Variants in RHOBTB2 observed in about 807,000 individuals in gnomAD.
RHOBTB2 encodes Rho related BTB domain containing 2, also known as rho-related BTB domain-containing protein 2.
A neutral mutation model predicts 66.5 loss-of-function variants in RHOBTB2; 39 were observed. That is an observed-to-expected ratio of 0.59 (90% confidence interval 0.45 to 0.77). RHOBTB2 has a LOEUF of 0.77. Ranked by LOEUF, RHOBTB2 falls within the 30% of genes least tolerant of loss-of-function variation. The pLI is 0.00. For missense variants in RHOBTB2, 755 were observed against 999.1 expected (o/e 0.76, Z 3.29); for synonymous variants, 390 against 395.0 (o/e 0.99, Z 0.15).
chr8:23,017,187 G>C lies in RHOBTB2; in HGVS notation c.1967-65G>C. The C allele has an allele frequency of 6.3e-7, 1 of 1,592,004 alleles. No homozygotes were observed. Among genetic ancestry groups the C allele is most frequent in the Non-Finnish European group, 8.6e-7 (1 of 1,167,846 alleles). On this transcript the variant is annotated intron_variant, in intron 9 of 9. Coordinates refer to ENST00000251822, the MANE Select transcript of RHOBTB2 (RefSeq NM_015178.3). The surrounding 1 kb of genome is among the most constrained non-coding windows in gnomAD (Gnocchi z 5.3). ...GCAGGCCTTGTGGTGGGGTAGGGCTGGTGTCCCACGTTCCTCTTGTCCCTC... is the reference window on the plus strand; with the variant it reads ...GCAGGCCTTGTGGTGGGGTAGGGCTCGTGTCCCACGTTCCTCTTGTCCCTC...
At chr8:23,015,771 ACCTG>A in intron 9 of RHOBTB2, 28 bp downstream of exon 9, 2 of 1,488,902 alleles carry the variant, frequency 1.3e-6, no homozygotes, top group Non-Finnish European at 1.9e-6. Context: ...TCCTGGCAGT[ACCTG>A]CTGCCCTCCC....
rs1811027421 is a variant in RHOBTB2, at chr8:23,008,024, C to T, written c.1533C>T (p.Ile511=). Residue 511 remains isoleucine (I), a synonymous_variant, in exon 6 of 10, where the codon ATC becomes ATT. Transcript: ENST00000251822. ...CCTTCATCCTGGATGATGGCACCAT[C>T]AGCGCCCACAAGCCCCTGTTGATTT... ...DVTFILDDGT[I]SAHKPLLISS... 6.2e-7 allele frequency: 1 copy of T among 1,613,754 alleles called. No homozygotes were observed. Among genetic ancestry groups the T allele is most frequent in the African/African-American group, 1.3e-5 (1 of 74,892 alleles).
At chr8:23,010,945 T>A (rs1040840936) in intron 7 of RHOBTB2, among the ~76,000 whole-genome samples, 1 of 152,136 alleles carries the variant, frequency 6.6e-6, no homozygotes, top group African/African-American at 2.4e-5. Flanking sequence ...AAATGGAACA[T>A]GAGGCTGGGC....
At chr8:22,979,614 T>C in the RHOBTB2 span, among the ~76,000 whole-genome samples, 1 of 152,134 alleles carries the variant, frequency 6.6e-6, no homozygotes, top group African/African-American at 2.4e-5. Flanking sequence ...TGACGTCCTA[T>C]ACATAAACCT....
rs774915281 is a variant in RHOBTB2, at chr8:23,017,593, G to A, written c.*124G>A. 16 of 1,435,924 alleles carry A rather than the reference G, an allele frequency of 1.1e-5. No individual in the cohort carries two copies. The highest frequency in any genetic ancestry group is 4.4e-5 in the Admixed American group (2 of 45,036). 88.9% of individuals were successfully genotyped at this position (1,435,924 alleles called of 1,614,324 possible). A position where few individuals can be genotyped will look rare whatever the true frequency, so the allele number is the denominator to read the frequency against. ...GGCCCACGTAACCAGGACCCAGAGG[G>A]TGGAGCTCTTCTTACCAGCCACCGT... On this transcript the variant is annotated 3_prime_UTR_variant, in exon 10 of 10. Transcript: ENST00000251822. The surrounding 1 kb of genome is among the most constrained non-coding windows in gnomAD (Gnocchi z 5.3).
chr8:22,989,776 AT>A (rs942758891), intron 1 of RHOBTB2, among the ~76,000 whole-genome samples: 1 of 152,164 alleles, frequency 6.6e-6, no homozygotes, highest in Non-Finnish European at 1.5e-5. Flanking sequence ...AAAGAGGGTG[AT>A]TTTGACATAC....
chr8:22,976,396 G>C, the RHOBTB2 span, among the ~76,000 whole-genome samples: 40 of 152,076 alleles, frequency 2.6e-4, no homozygotes, highest in Admixed American at 2.6e-3. Flanking sequence ...GGGAAGACGG[G>C]ACAAAAAGAG....
chr8:23,012,251 C>A (rs1162934367), intron 7 of RHOBTB2, among the ~76,000 whole-genome samples: 1 of 152,232 alleles, frequency 6.6e-6, no homozygotes, highest in Non-Finnish European at 1.5e-5. Flanking sequence ...AAGTTCATTT[C>A]GTCATGGCAG....
At chr8:22,955,130 C>A in the RHOBTB2 span, among the ~76,000 whole-genome samples, 1 of 150,962 alleles carries the variant, frequency 6.6e-6, no homozygotes, top group Non-Finnish European at 1.5e-5. Context: ...GACTCTGTCT[C>A]AAAAAAAAGA....
chr8:23,014,493 C>T (rs545835326), intron 7 of RHOBTB2, among the ~76,000 whole-genome samples, 197 bp from the exon 8 acceptor site: 56 of 152,224 alleles, frequency 3.7e-4, no homozygotes, highest in Non-Finnish European at 5.1e-4. Context: ...TCCTACCCTA[C>T]CCCGTTGAGC....
the RHOBTB2 span, among the ~76,000 whole-genome samples, chr8:22,973,709 A>G: frequency 6.6e-6 from 1 of 152,158 alleles, no homozygotes; most frequent in Non-Finnish European, 1.5e-5. Flanking sequence ...TTATATAATG[A>G]AAATCTCCCT....
the RHOBTB2 span, among the ~76,000 whole-genome samples, chr8:22,956,524 A>C: frequency 6.6e-6 from 1 of 152,028 alleles, no homozygotes; most frequent in Non-Finnish European, 1.5e-5. Flanking sequence ...GCCTTCTGCC[A>C]TGATTGTAAG....
the RHOBTB2 span, among the ~76,000 whole-genome samples, chr8:22,966,039 C>T: frequency 3.3e-5 from 5 of 152,104 alleles, no homozygotes; most frequent in African/African-American, 1.2e-4. Flanking sequence ...TGGATTAATA[C>T]TCAGAATATA....
intron 2 of RHOBTB2, among the ~76,000 whole-genome samples, chr8:22,993,345 T>A (rs1810470168): frequency 6.6e-6 from 1 of 152,080 alleles, no homozygotes; most frequent in Admixed American, 6.5e-5. Context: ...TTTTTTGATC[T>A]TGGGGGATTA....
Position 23,004,452 on chromosome 8 carries a change from T to A in RHOBTB2, c.18T>A (p.Asp6Glu), listed in dbSNP as rs776044964. Residue 6 changes from aspartate (D) to glutamate (E), a missense_variant, in exon 2 of 10, where the codon GAT (aspartate) becomes GAA (glutamate). Coordinates refer to ENST00000251822, the MANE Select transcript of RHOBTB2 (RefSeq NM_015178.3). The surrounding 1 kb of genome is among the most constrained non-coding windows in gnomAD (Gnocchi z 6.4). MDSDM[D>E]YERPNVETIK... ...CCCGTTTAATGGATTCTGACATGGA[T>A]TATGAAAGGCCAAACGTAGAGACCA... 6.2e-7 allele frequency: 1 copy of A among 1,614,178 alleles called. No homozygotes were observed. The highest frequency in any genetic ancestry group is 1.1e-5 in the South Asian group (1 of 91,082).
In RHOBTB2 at chr8:23,017,538, A is replaced by G. The variant is rs879731080; in HGVS notation, c.*69A>G. 1.2e-5 allele frequency: 19 copies of G among 1,541,472 alleles called. No homozygotes were observed. Among genetic ancestry groups the G allele is most frequent in the Non-Finnish European group, 1.6e-5 (18 of 1,141,800 alleles). ...CGCCTTCACCCCTCTGCTCTTCCGC[A>G]TCACCCCATCCACCTTACAGGGACC... On this transcript the variant is annotated 3_prime_UTR_variant, in exon 10 of 10. Coordinates refer to ENST00000251822, the MANE Select transcript of RHOBTB2 (RefSeq NM_015178.3). This position sits in a 1 kb window ranked among gnomAD's most constrained non-coding sequence, Gnocchi z 5.3.
chr8:22,997,623 A>G (rs578181155), upstream of RHOBTB2, among the ~76,000 whole-genome samples: 2 of 152,316 alleles, frequency 1.3e-5, no homozygotes, highest in Admixed American at 6.5e-5. Flanking sequence ...TCTAGCTTAC[A>G]GTCCGAGCAG....
At chr8:23,005,928 C>A (rs773804586) in intron 3 of RHOBTB2, 32 bp from the exon 4 acceptor site, 3 of 1,590,484 alleles carry the variant, frequency 1.9e-6, no homozygotes, top group African/African-American at 2.7e-5. Context: ...CCACTTGTTT[C>A]TCTGCCCGTA....
At chr8:22,957,855 G>A in the RHOBTB2 span, among the ~76,000 whole-genome samples, 4 of 152,096 alleles carry the variant, frequency 2.6e-5, no homozygotes, top group African/African-American at 9.7e-5. Flanking sequence ...GTAAATTTGT[G>A]TAATCAAAAT....
Sources: gnomAD v4.1 joint callset for allele counts (sites outside exome capture counted in the v4.1 genomes callset) on GRCh38, gnomAD v4.1.1 for gene constraint, Gnocchi (gnomAD v3.1) non-coding constraint, MANE v1.5 for transcripts, NCBI Gene and HGNC (gene_info 2026-07-23, HGNC 2026-07-21) for gene names.